The following ST3GAL6 variants were observed in gnomAD, a reference collection of about 807,000 sequenced individuals.
ST3GAL6 encodes the protein ST3 beta-galactoside alpha-2,3-sialyltransferase 6.
In ST3GAL6, 31 loss-of-function variants were observed where a neutral mutation model predicts 40.5. The observed-to-expected ratio is 0.77, with a 90% CI of 0.58 to 1.03. The LOEUF is 1.03. Among genes scored for constraint, ST3GAL6 ranks in the 50% least tolerant of loss-of-function variants. ST3GAL6 has a pLI of 0.00. For synonymous variants in ST3GAL6, 129 were observed against 136.9 expected (o/e 0.94, Z 0.40); for missense variants, 357 against 393.2 (o/e 0.91, Z 0.78).
intron 5 of ST3GAL6, chr3:98,784,334 A>T (rs1443183178): frequency 6.6e-6 from 1 of 152,268 alleles, no homozygotes; most frequent in Admixed American, 6.5e-5. Context: ...TTTAGTTTGT[A>T]TTGGTTAAGC....
chr3:98,776,126 A>G lies in ST3GAL6; in HGVS notation c.335+2143A>G, dbSNP rs540318390. Among the ~76,000 whole-genome samples the G allele has an allele frequency of 1.2e-4, 19 of 152,344 alleles. No homozygotes were observed. In the East Asian group the frequency reaches 3.1e-3, roughly 25 times the overall value. On this transcript the variant is annotated intron_variant, in intron 5 of 9. Coordinates refer to ENST00000483910, the MANE Select transcript of ST3GAL6 (RefSeq NM_001323368.2). ...TATGACACTATTATCTTCTATTTGCATAGCACTTTTCAGAGGGGTTCACAT... is the reference window on the plus strand; with the variant it reads ...TATGACACTATTATCTTCTATTTGCGTAGCACTTTTCAGAGGGGTTCACAT...
intron 1 of ST3GAL6, among the ~76,000 whole-genome samples, chr3:98,735,728 A>G (rs764457184): frequency 1.8e-4 from 28 of 152,172 alleles, no homozygotes; most frequent in Non-Finnish European, 2.8e-4. Flanking sequence ...ACAGTTTCCA[A>G]TTTAACCCTT....
At chr3:98,775,018 T>G (rs747650191) in intron 5 of ST3GAL6, among the ~76,000 whole-genome samples, 3 of 152,190 alleles carry the variant, frequency 2.0e-5, no homozygotes, top group Non-Finnish European at 4.4e-5. Context: ...TAGAATATTG[T>G]TTTTTGCAGA....
At chr3:98,787,366 A>C (rs956828338) in intron 6 of ST3GAL6, among the ~76,000 whole-genome samples, 1 of 152,202 alleles carries the variant, frequency 6.6e-6, no homozygotes, top group African/African-American at 2.4e-5. Context: ...CTTTGGGGAC[A>C]CTGTTTTGGA....
intron 5 of ST3GAL6, among the ~76,000 whole-genome samples, chr3:98,778,228 A>G (rs1002183794): frequency 1.3e-5 from 2 of 152,342 alleles, no homozygotes; most frequent in Middle Eastern, 3.4e-3. Context: ...TAAATGGACA[A>G]GGATTTGTAA....
intron 1 of ST3GAL6, among the ~76,000 whole-genome samples, chr3:98,746,001 G>T (rs1014325296): frequency 6.6e-6 from 1 of 152,160 alleles, no homozygotes; most frequent in Admixed American, 6.6e-5. Context: ...GCATGTGATA[G>T]ATGGGTATAA....
chr3:98,734,103 C>G (rs896489075), intron 1 of ST3GAL6, among the ~76,000 whole-genome samples: 1 of 152,162 alleles, frequency 6.6e-6, no homozygotes, highest in Non-Finnish European at 1.5e-5. Context: ...CAGCGGCCAC[C>G]TCTTTTAGGC....
intron 5 of ST3GAL6, among the ~76,000 whole-genome samples, chr3:98,781,691 G>A (rs1940143668): frequency 6.6e-6 from 1 of 152,138 alleles, no homozygotes; most frequent in Admixed American, 6.5e-5. Flanking sequence ...AGCCCCTGAG[G>A]CACCTGGGCT....
chr3:98,732,863 G>C, intron 1 of ST3GAL6: 1 of 1,511,784 alleles, frequency 6.6e-7, no homozygotes, highest in East Asian at 2.6e-5. Context: ...TCTGCGGCCC[G>C]ATGTGGCAGG....
At position 98,795,828 on chromosome 3, in the gene ST3GAL6, A is replaced by AGTT. The variant is rs939195900; in HGVS notation, c.*2069_*2071dup. 2.6e-5 allele frequency: 4 copies of AGTT among 152,412 alleles called. No individual in the cohort carries two copies. Among genetic ancestry groups the AGTT allele is most frequent in the East Asian group, 1.9e-4 (1 of 5,186 alleles). 9.4% of individuals were successfully genotyped at this position (152,412 alleles called of 1,614,324 possible). Reference sequence around the variant, plus strand: ...ATGTACCCTTAGAATCTAAAATAAAAGTTGAAATTATTTTTTTAAAAAAAG... The same window carrying AGTT: ...ATGTACCCTTAGAATCTAAAATAAAAGTTGTTGAAATTATTTTTTTAAAAAAAG... On this transcript the variant is annotated 3_prime_UTR_variant, in exon 10 of 10. Coordinates refer to ENST00000483910, the MANE Select transcript of ST3GAL6 (RefSeq NM_001323368.2).
chr3:98,785,926 A>C (rs953652444), intron 6 of ST3GAL6, among the ~76,000 whole-genome samples: 1 of 152,092 alleles, frequency 6.6e-6, no homozygotes, highest in Non-Finnish European at 1.5e-5. Flanking sequence ...AGTTATCGGG[A>C]TTTGTTGCCG....
intron 1 of ST3GAL6, among the ~76,000 whole-genome samples, chr3:98,754,539 T>C (rs1211192415): frequency 6.6e-6 from 1 of 152,180 alleles, no homozygotes; most frequent in Non-Finnish European, 1.5e-5. Flanking sequence ...AGTAGATAAA[T>C]TTAGTTGATA....
intron 2 of ST3GAL6, chr3:98,770,376 C>T (rs939602570): frequency 5.8e-5 from 9 of 155,052 alleles, no homozygotes; most frequent in Non-Finnish European, 1.1e-4. Flanking sequence ...TTAGAAATGA[C>T]TCTCAATAGT....
At chr3:98,756,482 G>A (rs1365081110) in intron 1 of ST3GAL6, 22 of 1,288,552 alleles carry the variant, frequency 1.7e-5, no homozygotes, top group South Asian at 8.6e-5. Flanking sequence ...TCCCTCTTTC[G>A]CAAATTCTCC....
At chr3:98,740,446 T>G (rs1935978916) in intron 1 of ST3GAL6, among the ~76,000 whole-genome samples, 1 of 152,156 alleles carries the variant, frequency 6.6e-6, no homozygotes, top group African/African-American at 2.4e-5. Flanking sequence ...TTTATTGTCC[T>G]GTTTGACGCT....
intron 1 of ST3GAL6, among the ~76,000 whole-genome samples, chr3:98,734,782 G>A (rs1935384994): frequency 6.6e-6 from 1 of 152,190 alleles, no homozygotes; most frequent in South Asian, 2.1e-4. Flanking sequence ...TCTGTCTCCT[G>A]TGAAATTGTA....
rs1210251902 is a variant in ST3GAL6 at position 98,793,694 on chromosome 3, C to T, written c.929C>T (p.Thr310Ile). Residue 310 changes from threonine to isoleucine, a missense_variant, in exon 10 of 10, where the codon ACT becomes ATT. Physicochemically the swap from Thr to Ile is moderately conservative, Grantham distance 89. Coordinates refer to ENST00000483910, the MANE Select transcript of ST3GAL6 (RefSeq NM_001323368.2). ...CTTTAGAACGCGTATCACAATGTGA[C>T]TGCAGAGCAGCTCTTTTTGAAGGAC... ...LMNKNAYHNV[T>I]AEQLFLKDII... The T allele has an allele frequency of 1.3e-6, 2 of 1,594,710 alleles. No individual in the cohort carries two copies. The highest frequency in any genetic ancestry group is 2.3e-5 in the East Asian group (1 of 44,052).
intron 1 of ST3GAL6, among the ~76,000 whole-genome samples, chr3:98,765,745 CTGTTTAA>C (rs1243751246): frequency 6.6e-6 from 1 of 152,178 alleles, no homozygotes; most frequent in Admixed American, 6.5e-5. Flanking sequence ...GGCATTGGTC[CTGTTTAA>C]TGTCAAGATC....
At chr3:98,744,092 CAG>C (rs1196618675) in intron 1 of ST3GAL6, among the ~76,000 whole-genome samples, 11 of 152,148 alleles carry the variant, frequency 7.2e-5, no homozygotes, top group African/African-American at 2.7e-4. Flanking sequence ...CACGTGAAGA[CAG>C]AGAATTGTAG....
Sources: allele counts gnomAD v4.1 joint callset (sites outside exome capture counted in the v4.1 genomes callset), GRCh38; gene constraint gnomAD v4.1.1; transcripts MANE v1.5; gene names NCBI Gene and HGNC (gene_info 2026-07-23, HGNC 2026-07-21).